SLC24A2: variants seen among roughly 807,000 people sequenced by gnomAD.
SLC24A2 encodes the protein solute carrier family 24 member 2, also known as sodium/potassium/calcium exchanger 2.
A neutral mutation model predicts 62.0 loss-of-function variants in SLC24A2; 36 were observed. That is an observed-to-expected ratio of 0.58 (90% confidence interval 0.44 to 0.77). The LOEUF (loss-of-function observed/expected upper bound fraction) is 0.77, where lower values mean the gene tolerates loss of function less well. Among genes scored for constraint, SLC24A2 ranks in the 30% least tolerant of loss-of-function variants. SLC24A2 has a pLI of 0.00. For synonymous variants in SLC24A2, 358 were observed against 294.0 expected, an observed-to-expected ratio of 1.22 and a Z score of -2.23; for missense variants, 846 against 817.9, an observed-to-expected ratio of 1.03 and a Z score of -0.42.
chr9:19,786,238 C>A lies in SLC24A2; in HGVS notation c.629G>T (p.Gly210Val). Residue 210 changes from glycine to valine, a missense_variant, in exon 2 of 11, where the codon GGT becomes GTT. By Grantham distance (109) the Gly-to-Val change is moderately radical (BLOSUM62 -3). Coordinates refer to ENST00000341998, the MANE Select transcript of SLC24A2 (RefSeq NM_020344.4). This position sits in a 1 kb window ranked among gnomAD's most constrained non-coding sequence, Gnocchi z 5.0. Reference sequence around the variant, plus strand: ...AAAGAGGATGTTGAATACTGCTGAACCTACAATTGTGCCTATGCCAACGTT... The same window carrying A: ...AAAGAGGATGTTGAATACTGCTGAAACTACAATTGTGCCTATGCCAACGTT... ...HSNVGIGTIV[G>V]SAVFNILFVI... is the part of the protein sequence containing the mutation. 1 of 1,614,094 alleles carries A rather than the reference C, an allele frequency of 6.2e-7. No individual in the cohort carries two copies. Among genetic ancestry groups the A allele is most frequent in the Non-Finnish European group, 8.5e-7 (1 of 1,180,016 alleles).
chr9:20,287,339 C>T, the SLC24A2 span, among the ~76,000 whole-genome samples: 1 of 152,148 alleles, frequency 6.6e-6, no homozygotes, highest in African/African-American at 2.4e-5. Flanking sequence ...GGTGAACAGA[C>T]CCATGGGAGG....
the SLC24A2 span, among the ~76,000 whole-genome samples, chr9:19,907,869 T>C: frequency 6.6e-6 from 1 of 152,182 alleles, no homozygotes; most frequent in Non-Finnish European, 1.5e-5. Flanking sequence ...TCCATGCTCA[T>C]GGGTAGGAAG....
the SLC24A2 span, among the ~76,000 whole-genome samples, chr9:19,869,078 C>T: frequency 6.6e-6 from 1 of 152,070 alleles, no homozygotes; most frequent in Admixed American, 6.6e-5. Context: ...ACCACCTGGG[C>T]TCAAGTGATC....
At chr9:19,952,273 T>C in the SLC24A2 span, among the ~76,000 whole-genome samples, 1 of 152,118 alleles carries the variant, frequency 6.6e-6, no homozygotes, top group Non-Finnish European at 1.5e-5. Flanking sequence ...AACAGTTTTA[T>C]ATTTTCTTTT....
intron 8 of SLC24A2, 22 bp from the exon 9 acceptor site, chr9:19,528,160 T>G: frequency 1.4e-6 from 2 of 1,476,474 alleles, no homozygotes; most frequent in Non-Finnish European, 1.9e-6. Context: ...CCAGGAAGAG[T>G]TGAGAATATC....
At chr9:19,579,544 C>T (rs1836141278) in intron 5 of SLC24A2, among the ~76,000 whole-genome samples, 2 of 152,128 alleles carry the variant, frequency 1.3e-5, no homozygotes, top group Admixed American at 6.5e-5. Flanking sequence ...ATCATGGTCT[C>T]AGGGTTATTG....
chr9:19,944,413 C>A, the SLC24A2 span, among the ~76,000 whole-genome samples: 1 of 146,708 alleles, frequency 6.8e-6, no homozygotes, highest in Non-Finnish European at 1.5e-5. Flanking sequence ...TGCACATATA[C>A]CCCCTGAATC....
chr9:19,834,315 T>C, the SLC24A2 span, among the ~76,000 whole-genome samples: 1 of 147,564 alleles, frequency 6.8e-6, no homozygotes, highest in Non-Finnish European at 1.5e-5. Flanking sequence ...GCAAAGAAGT[T>C]AAAAACTTTG....
At chr9:20,093,740 G>C in the SLC24A2 span, among the ~76,000 whole-genome samples, 82 of 152,240 alleles carry the variant, frequency 5.4e-4, 1 homozygote, top group Admixed American at 4.4e-3. Context: ...GAAAGAATAA[G>C]ACCTAGTATT....
At chr9:20,228,676 A>G in the SLC24A2 span, among the ~76,000 whole-genome samples, 1 of 152,128 alleles carries the variant, frequency 6.6e-6, no homozygotes, top group African/African-American at 2.4e-5. Flanking sequence ...CAAGTCCTAG[A>G]AGAAAAGCAA....
the SLC24A2 span, among the ~76,000 whole-genome samples, chr9:20,203,354 C>G: frequency 6.6e-6 from 1 of 152,084 alleles, no homozygotes; most frequent in Non-Finnish European, 1.5e-5. Flanking sequence ...CAGGGAGTTG[C>G]CCTGAAAGTT....
the SLC24A2 span, among the ~76,000 whole-genome samples, chr9:20,088,446 T>C: frequency 6.6e-6 from 1 of 152,148 alleles, no homozygotes; most frequent in East Asian, 1.9e-4. Flanking sequence ...GCCAGACTAT[T>C]TTTTTATGTG....
the SLC24A2 span, among the ~76,000 whole-genome samples, chr9:19,991,614 G>A: frequency 6.6e-6 from 1 of 152,100 alleles, no homozygotes; most frequent in African/African-American, 2.4e-5. Flanking sequence ...CCATATATAA[G>A]GCAGGACTAC....
the SLC24A2 span, among the ~76,000 whole-genome samples, chr9:20,260,931 C>T: frequency 1.4e-5 from 2 of 147,150 alleles, no homozygotes; most frequent in South Asian, 2.3e-4. Flanking sequence ...TCTCAGCTCA[C>T]TGCAACCTCC....
the SLC24A2 span, among the ~76,000 whole-genome samples, chr9:19,944,907 T>G: frequency 1.3e-5 from 2 of 152,282 alleles, no homozygotes; most frequent in African/African-American, 4.8e-5. Flanking sequence ...GATTTCTATT[T>G]GAAGAAAAAG....
the SLC24A2 span, among the ~76,000 whole-genome samples, chr9:20,261,282 T>C: frequency 6.6e-6 from 1 of 152,020 alleles, no homozygotes; most frequent in Non-Finnish European, 1.5e-5. Flanking sequence ...ACTTCATAAT[T>C]TAAAAAAAAC....
the SLC24A2 span, among the ~76,000 whole-genome samples, chr9:20,032,934 T>G: frequency 1.3e-5 from 2 of 152,150 alleles, no homozygotes; most frequent in Non-Finnish European, 2.9e-5. Flanking sequence ...AAGACGTAAC[T>G]CCGATTTCCC....
the SLC24A2 span, among the ~76,000 whole-genome samples, chr9:20,203,259 G>A: frequency 7.9e-5 from 12 of 152,112 alleles, no homozygotes; most frequent in East Asian, 5.8e-4. Flanking sequence ...CTCCCTTTCA[G>A]CATGAAGCTC....
Position 19,516,069 on chromosome 9 carries a change from CCTCTT to C in SLC24A2, c.*79_*83del, listed in dbSNP as rs1442806404. 7 of 1,555,512 alleles carry C rather than the reference CCTCTT, an allele frequency of 4.5e-6. No individual in the cohort carries two copies. The highest frequency in any genetic ancestry group is 1.4e-5 in the African/African-American group (1 of 73,632). ...GGCACCCAGGGCTGTGTGCCAGCTG[CCTCTT>C]CTCAAGAGGTCAAGGAGCCCAGAGC... is the stretch of plus-strand genomic sequence containing the variant. On this transcript the variant is annotated 3_prime_UTR_variant, in exon 11 of 11. Transcript: ENST00000341998.
Sources: gnomAD v4.1 joint callset for allele counts (sites outside exome capture counted in the v4.1 genomes callset) on GRCh38, gnomAD v4.1.1 for gene constraint, Gnocchi (gnomAD v3.1) non-coding constraint, MANE v1.5 for transcripts, NCBI Gene and HGNC (gene_info 2026-07-23, HGNC 2026-07-21) for gene names.